ADGRA3: variants seen among roughly 807,000 people sequenced by gnomAD.
ADGRA3 encodes the protein G-protein coupled receptor 125.
In ADGRA3, 56 loss-of-function variants were observed where a neutral mutation model predicts 119.8. The observed-to-expected ratio is 0.47, with a 90% CI of 0.38 to 0.58. The LOEUF is 0.58. Among genes scored for constraint, ADGRA3 ranks in the 20% least tolerant of loss-of-function variants. The pLI is 0.00. For missense variants in ADGRA3, 1,516 were observed against 1,649.0 expected (o/e 0.92, Z 1.40); for synonymous variants, 607 against 623.8 (o/e 0.97, Z 0.40).
chr4:22,395,325 A>C (rs1318553013), intron 16 of ADGRA3, among the ~76,000 whole-genome samples: 1 of 152,198 alleles, frequency 6.6e-6, no homozygotes, highest in Non-Finnish European at 1.5e-5. Flanking sequence ...TGCATTATGC[A>C]TAACAATTGT....
At chr4:22,483,976 G>A (rs1444328631) in intron 1 of ADGRA3, among the ~76,000 whole-genome samples, 14 of 117,040 alleles carry the variant, frequency 1.2e-4, no homozygotes, top group Admixed American at 1.0e-3. Flanking sequence ...TTCCAATGAT[G>A]CATGATTACA....
chr4:22,402,116 T>C (rs1714688703), intron 15 of ADGRA3, among the ~76,000 whole-genome samples: 1 of 152,170 alleles, frequency 6.6e-6, no homozygotes, highest in African/African-American at 2.4e-5. Context: ...TAGCAAAACG[T>C]TTTGTAAAGC....
chr4:22,407,120 A>T (rs1291374656), intron 14 of ADGRA3, among the ~76,000 whole-genome samples: 1 of 152,016 alleles, frequency 6.6e-6, no homozygotes. Flanking sequence ...AAATACAAAA[A>T]ATTAGCCAGG....
At chr4:22,411,428 G>C (rs1007880173) in intron 14 of ADGRA3, among the ~76,000 whole-genome samples, 1 of 151,970 alleles carries the variant, frequency 6.6e-6, no homozygotes, top group African/African-American at 2.4e-5. Context: ...GCAAAACCCA[G>C]TCTCTACTAA....
rs184049074 is a variant in ADGRA3 at position 22,455,432 on chromosome 4, T to C, written c.402-495A>G. ...CCACTTTCTGACTTCATTCCTTAAA[T>C]ACTCAGAAGTTTCAACTATAATGAA... On this transcript the variant is annotated intron_variant, in intron 3 of 18. Coordinates refer to ENST00000334304, the MANE Select transcript of ADGRA3 (RefSeq NM_145290.4). Among the ~76,000 whole-genome samples, 7 of 152,152 alleles carry C rather than the reference T, an allele frequency of 4.6e-5. No individual in the cohort carries two copies. In the East Asian group the frequency reaches 1.4e-3, roughly 29 times the overall value.
At chr4:22,467,682 T>C (rs982482220) in intron 2 of ADGRA3, among the ~76,000 whole-genome samples, 1 of 152,186 alleles carries the variant, frequency 6.6e-6, no homozygotes, top group Non-Finnish European at 1.5e-5. Flanking sequence ...TGACATATTA[T>C]ATAACATTTA....
At chr4:22,480,684 C>T (rs1296852991) in intron 1 of ADGRA3, among the ~76,000 whole-genome samples, 1 of 152,066 alleles carries the variant, frequency 6.6e-6, no homozygotes, top group Non-Finnish European at 1.5e-5. Context: ...TATACTTATA[C>T]AGCAAAATTA....
At chr4:22,418,318 G>A (rs1715509553) in intron 12 of ADGRA3, among the ~76,000 whole-genome samples, 1 of 152,122 alleles carries the variant, frequency 6.6e-6, no homozygotes. Context: ...AAATGTGACA[G>A]GCAATGAGAG....
intron 1 of ADGRA3, among the ~76,000 whole-genome samples, chr4:22,482,728 A>C (rs936949238): frequency 6.6e-6 from 1 of 152,180 alleles, no homozygotes; most frequent in Admixed American, 6.5e-5. Context: ...ATTACCAAAA[A>C]TTTGCAAGGC....
intron 1 of ADGRA3, among the ~76,000 whole-genome samples, chr4:22,486,381 C>T (rs957805413): frequency 6.6e-5 from 10 of 152,170 alleles, no homozygotes; most frequent in African/African-American, 2.4e-4. Context: ...TGGTTTCTAG[C>T]CCATCTTTTC....
At chr4:22,390,536 C>T (rs774632031) in intron 17 of ADGRA3, among the ~76,000 whole-genome samples, 4 of 151,630 alleles carry the variant, frequency 2.6e-5, no homozygotes, top group Non-Finnish European at 5.9e-5. Flanking sequence ...TCTGCCAACG[C>T]TGGTACCACC....
At chr4:22,416,540 G>A (rs138627924) in intron 12 of ADGRA3, among the ~76,000 whole-genome samples, 2 of 152,158 alleles carry the variant, frequency 1.3e-5, no homozygotes, top group East Asian at 3.9e-4. Flanking sequence ...TGGTTGTGAG[G>A]ACCAGATGGG....
chr4:22,389,237 A>G, intron 17 of ADGRA3, 54 bp from the exon 18 acceptor site: 1 of 1,120,150 alleles, frequency 8.9e-7, no homozygotes, highest in Non-Finnish European at 1.4e-6. Flanking sequence ...CTTAACATGT[A>G]TCTCTCATAA....
At chr4:22,442,500 A>C (rs926702656) in intron 7 of ADGRA3, 150 bp downstream of exon 7, 2 of 500,282 alleles carry the variant, frequency 4.0e-6, no homozygotes, top group African/African-American at 4.0e-5. Flanking sequence ...AAGATGAATA[A>C]GAACCAGGAA....
intron 14 of ADGRA3, among the ~76,000 whole-genome samples, chr4:22,412,059 T>A (rs1560302873): frequency 6.6e-6 from 1 of 152,034 alleles, no homozygotes; most frequent in African/African-American, 2.4e-5. Context: ...AAAAGAAAAA[T>A]TCATGAAATG....
intron 1 of ADGRA3, among the ~76,000 whole-genome samples, chr4:22,495,694 G>A (rs1014417321): frequency 4.0e-5 from 6 of 151,594 alleles, no homozygotes; most frequent in African/African-American, 1.5e-4. Context: ...GGATGACGAG[G>A]TCAGGAGATC....
intron 8 of ADGRA3, 44 bp from the exon 9 acceptor site, chr4:22,436,685 G>A (rs771030669): frequency 1.4e-5 from 21 of 1,502,704 alleles, no homozygotes; most frequent in East Asian, 6.8e-5. Flanking sequence ...TAAATGACAC[G>A]GGTACATCAA....
rs191228586 is a variant in ADGRA3 at position 22,447,340 on chromosome 4, T to C, written c.545+100A>G. The C allele has an allele frequency of 9.2e-4, 665 of 725,344 alleles. 6 individuals are homozygous for C. The African/African-American group carries it at 9.9e-3, about 11-fold the overall frequency. 44.9% of individuals were successfully genotyped at this position (725,344 alleles called of 1,614,324 possible). A position where few individuals can be genotyped will look rare whatever the true frequency, so the allele number is the denominator to read the frequency against. On this transcript the variant is annotated intron_variant, in intron 5 of 18. Transcript: ENST00000334304. ...CAAGTGAGACTCTACCTTGACAAGA[T>C]TGTCCTCACAAAGTCTCTGAAACCA...
rs1244131333 is a variant in ADGRA3, at chr4:22,389,108, G to C, written c.2703C>G (p.Gly901=). 1 of 1,613,906 alleles carries C rather than the reference G, an allele frequency of 6.2e-7. No homozygotes were observed. The highest frequency in any genetic ancestry group is 1.7e-5 in the Admixed American group (1 of 60,014). ...ITAAANIKNY[G]SRPNAPYCWM... ...CTCACTAGGGTGCGTTTGGCCGACT[G>C]CCGTAATTCTTAATGTTCGCTGCTG... The change falls in exon 18 of 19, where the codon GGC becomes GGG. Residue 901 remains glycine (G), a synonymous_variant. Coordinates refer to ENST00000334304, the MANE Select transcript of ADGRA3 (RefSeq NM_145290.4).
Sources: gnomAD v4.1 joint callset for allele counts (sites outside exome capture counted in the v4.1 genomes callset) on GRCh38, gnomAD v4.1.1 for gene constraint, MANE v1.5 for transcripts, NCBI Gene and HGNC (gene_info 2026-07-23, HGNC 2026-07-21) for gene names.